Variants in TDRD9 observed in about 807,000 individuals in gnomAD.
TDRD9 encodes the protein tudor domain containing 9.
TDRD9 carries 124 observed loss-of-function variants against 172.6 expected under a neutral mutation model. That is an observed-to-expected ratio of 0.72 (90% confidence interval 0.62 to 0.83). TDRD9 has a LOEUF of 0.83. Among genes scored for constraint, TDRD9 ranks in the 40% least tolerant of loss-of-function variants. The pLI is 0.00. For missense variants in TDRD9, 1,479 were observed against 1,714.1 expected (o/e 0.86, Z 2.42); for synonymous variants, 619 against 617.1 (o/e 1.00, Z -0.05).
chr14:104,010,413 TC>T (rs2034576696), intron 20 of TDRD9, among the ~76,000 whole-genome samples: 1 of 152,168 alleles, frequency 6.6e-6, no homozygotes, highest in South Asian at 2.1e-4. Context: ...ATCATCAGTA[TC>T]ACTGTCTTCC....
At chr14:104,026,282 G>C in intron 27 of TDRD9, 146 bp downstream of exon 27, 1 of 616,114 alleles carries the variant, frequency 1.6e-6, no homozygotes, top group Admixed American at 3.0e-5. Flanking sequence ...TGTCACAATA[G>C]CCAAATTTGG....
At chr14:103,964,257 CAG>C (rs745547106) in intron 3 of TDRD9, among the ~76,000 whole-genome samples, 1 of 152,132 alleles carries the variant, frequency 6.6e-6, no homozygotes, top group East Asian at 1.9e-4. Context: ...AATAAATAAA[CAG>C]ATATTTAATA....
At chr14:103,977,671 G>GACAA (rs2033310109) in intron 7 of TDRD9, among the ~76,000 whole-genome samples, 2 of 93,686 alleles carry the variant, frequency 2.1e-5, no homozygotes, top group East Asian at 6.6e-4. Flanking sequence ...TTGTTAGTTT[G>GACAA]ATATAATCCT....
chr14:104,026,765 G>T lies in TDRD9; in HGVS notation c.3108G>T (p.Trp1036Cys). 1 of 1,613,952 alleles carries T rather than the reference G, an allele frequency of 6.2e-7. No individual in the cohort carries two copies. The highest frequency in any genetic ancestry group is 8.5e-7 in the Non-Finnish European group (1 of 1,179,880). Residue 1036 changes from tryptophan to cysteine, a missense_variant, in exon 28 of 36, where the codon TGG (tryptophan) becomes TGT (cysteine). Physicochemically the swap from Trp to Cys is radical, Grantham distance 215. Transcript: ENST00000409874. ...GKHWSDGASQ[W>C]FASLVSGCTL... ...ACTGGAGTGACGGGGCCAGCCAGTG[G>T]TTCGCCTCTCTGGTGAGCGGCTGCA...
At chr14:103,944,810 T>A (rs1164783195) in intron 1 of TDRD9, among the ~76,000 whole-genome samples, 1 of 151,910 alleles carries the variant, frequency 6.6e-6, no homozygotes, top group East Asian at 1.9e-4. Context: ...AGTGATCTGT[T>A]CGTCTTGGCC....
At chr14:103,956,156 T>C (rs1200093513) in intron 2 of TDRD9, among the ~76,000 whole-genome samples, 3 of 95,526 alleles carry the variant, frequency 3.1e-5, no homozygotes, top group Non-Finnish European at 6.1e-5. Flanking sequence ...ATATAATTAT[T>C]AGGCCAGGCG....
intron 12 of TDRD9, 38 bp from the exon 13 acceptor site, chr14:103,998,586 T>C (rs775892314): frequency 9.4e-7 from 1 of 1,065,334 alleles, no homozygotes; most frequent in Non-Finnish European, 1.5e-6. Flanking sequence ...TGATCTCTTA[T>C]TAGCATGGTG....
chr14:103,943,389 T>TTATATATGTACATATATG (rs1366842776), intron 1 of TDRD9, among the ~76,000 whole-genome samples: 2 of 151,296 alleles, frequency 1.3e-5, no homozygotes, highest in Non-Finnish European at 2.9e-5. Context: ...TGTATGTATT[T>TTATATATGTACATATATG]TATATATGTA....
In TDRD9 at chr14:103,994,372, C is replaced by T. The variant is rs567369483; in HGVS notation, c.1221C>T (p.Ser407=). 3.7e-6 allele frequency: 6 copies of T among 1,613,678 alleles called. No homozygotes were observed. In the African/African-American group the frequency reaches 8.0e-5, roughly 22 times the overall value. The part of the protein sequence containing the change: ...EINYMHELLT[S]LVHKRLQVYP... ...ATTATATGCATGAACTTCTCACAAGCCTGGTTCATAAAAGGTATGTTGAAA... is the reference window on the plus strand; with the variant it reads ...ATTATATGCATGAACTTCTCACAAGTCTGGTTCATAAAAGGTATGTTGAAA... Residue 407 remains serine, a synonymous_variant, in exon 10 of 36, where the codon AGC becomes AGT. Transcript: ENST00000409874.
chr14:103,945,019 TTCCTACTCCCA>T (rs1428514819), intron 1 of TDRD9, among the ~76,000 whole-genome samples: 1 of 152,222 alleles, frequency 6.6e-6, no homozygotes, highest in Non-Finnish European at 1.5e-5. Flanking sequence ...AAAGACCTAG[TTCCTACTCCCA>T]AGGAGCCAGC....
intron 1 of TDRD9, among the ~76,000 whole-genome samples, chr14:103,944,830 G>T (rs2031472628): frequency 6.6e-6 from 1 of 152,150 alleles, no homozygotes; most frequent in Admixed American, 6.5e-5. Flanking sequence ...CTCCCAAAGT[G>T]CTGGGATTAC....
At chr14:103,949,558 C>G (rs1348317217) in intron 1 of TDRD9, among the ~76,000 whole-genome samples, 1 of 152,194 alleles carries the variant, frequency 6.6e-6, no homozygotes, top group Non-Finnish European at 1.5e-5. Context: ...GGTTATGCCA[C>G]CCAGGGAGTC....
chr14:103,932,601 A>G (rs2030468371), intron 1 of TDRD9, among the ~76,000 whole-genome samples: 1 of 151,624 alleles, frequency 6.6e-6, no homozygotes, highest in Admixed American at 6.6e-5. Context: ...GTTAGCCAGG[A>G]TGGTCTCGAT....
At chr14:104,005,223 A>G in intron 14 of TDRD9, 51 bp from the exon 15 acceptor site, 1 of 1,600,688 alleles carries the variant, frequency 6.2e-7, no homozygotes. Context: ...TGAATCGGCT[A>G]ACTGATTTAG....
At chr14:104,028,071 G>A (rs2035177263) in intron 28 of TDRD9, among the ~76,000 whole-genome samples, 1 of 152,064 alleles carries the variant, frequency 6.6e-6, no homozygotes, top group African/African-American at 2.4e-5. Context: ...TGTATATACT[G>A]CATTTTCAGT....
intron 1 of TDRD9, among the ~76,000 whole-genome samples, chr14:103,945,196 G>A (rs538990193): frequency 6.6e-6 from 1 of 152,214 alleles, no homozygotes; most frequent in African/African-American, 2.4e-5. Flanking sequence ...GAGATTTAGA[G>A]ATCAATGAGC....
At chr14:103,988,095 T>A (rs1213239275) in intron 8 of TDRD9, among the ~76,000 whole-genome samples, 2 of 152,200 alleles carry the variant, frequency 1.3e-5, no homozygotes, top group East Asian at 3.8e-4. Context: ...ATGACACATA[T>A]TTTTTCATTC....
chr14:103,994,953 C>CAAAA (rs1373803239), intron 11 of TDRD9, among the ~76,000 whole-genome samples: 2 of 40,300 alleles, frequency 5.0e-5, no homozygotes, highest in African/African-American at 1.2e-4. Context: ...TGTCTCAAAA[C>CAAAA]AAAAAAAAAA....
chr14:104,047,720 G>A (rs1392579029), intron 34 of TDRD9, among the ~76,000 whole-genome samples: 2 of 152,002 alleles, frequency 1.3e-5, no homozygotes, highest in African/African-American at 2.4e-5. Flanking sequence ...TCCTTTTTGT[G>A]CTTCAGATTG....
Sources: gnomAD v4.1 joint callset for allele counts (sites outside exome capture counted in the v4.1 genomes callset) on GRCh38, gnomAD v4.1.1 for gene constraint, MANE v1.5 for transcripts, NCBI Gene and HGNC (gene_info 2026-07-23, HGNC 2026-07-21) for gene names.